TGFBR1: variants seen among roughly 807,000 people sequenced by gnomAD.
The protein encoded by TGFBR1 is TGF-beta receptor type-1.
A neutral mutation model predicts 55.1 loss-of-function variants in TGFBR1; 20 were observed. The ratio of observed to expected loss-of-function variants is 0.36; its 90% confidence interval spans 0.26 to 0.53. TGFBR1 has a LOEUF of 0.53. Among genes scored for constraint, TGFBR1 ranks in the 20% least tolerant of loss-of-function variants. TGFBR1 has a pLI of 0.91. For synonymous variants in TGFBR1, 220 were observed against 214.8 expected (o/e 1.02, Z -0.21); for missense variants, 385 against 617.6 (o/e 0.62, Z 3.99).
At chr9:99,107,922 C>G (rs1826459941) in intron 1 of TGFBR1, among the ~76,000 whole-genome samples, 1 of 152,114 alleles carries the variant, frequency 6.6e-6, no homozygotes, top group African/African-American at 2.4e-5. Context: ...TGGTTTAGTT[C>G]TTGAATTCTT....
At chr9:99,119,756 G>T (rs1478749324) in intron 1 of TGFBR1, among the ~76,000 whole-genome samples, 1 of 152,216 alleles carries the variant, frequency 6.6e-6, no homozygotes, top group Non-Finnish European at 1.5e-5. Context: ...TACTGCTACT[G>T]TAGTGAAGTT....
At chr9:99,145,395 G>A (rs1042036550) in intron 6 of TGFBR1, among the ~76,000 whole-genome samples, 17 of 152,118 alleles carry the variant, frequency 1.1e-4, no homozygotes, top group African/African-American at 3.6e-4. Context: ...AAAATCTTAG[G>A]AGTCCCTGCC....
intron 1 of TGFBR1, chr9:99,127,911 A>G (rs1164304095): frequency 2.2e-6 from 1 of 455,906 alleles, no homozygotes; most frequent in Non-Finnish European, 4.4e-6. Context: ...ATGGTGTTAG[A>G]TGGCAGATTG....
chr9:99,134,830 A>ATATATATATTTCTATATG, intron 3 of TGFBR1, among the ~76,000 whole-genome samples: 1 of 112,500 alleles, frequency 8.9e-6, no homozygotes, highest in African/African-American at 3.2e-5. Context: ...ATATATATAT[A>ATATATATATTTCTATATG]TATATATATA....
intron 2 of TGFBR1, 125 bp from the exon 3 acceptor site, chr9:99,132,384 G>T (rs1488086435): frequency 1.3e-6 from 2 of 1,505,398 alleles, no homozygotes; most frequent in African/African-American, 2.7e-5. Flanking sequence ...GCTGTAATGA[G>T]GCTCTTTGGC....
intron 3 of TGFBR1, 45 bp from the exon 4 acceptor site, chr9:99,137,814 G>A (rs2118705665): frequency 6.6e-7 from 1 of 1,512,170 alleles, no homozygotes; most frequent in Admixed American, 1.7e-5. Flanking sequence ...TTTGAAACAT[G>A]TAATATTGTT....
chr9:99,135,652 C>A (rs1209504901), intron 3 of TGFBR1, among the ~76,000 whole-genome samples: 4 of 152,062 alleles, frequency 2.6e-5, no homozygotes, highest in Non-Finnish European at 2.9e-5. Flanking sequence ...TTTGTTATGG[C>A]GTGTGCAGCT....
intron 1 of TGFBR1, among the ~76,000 whole-genome samples, chr9:99,126,239 A>G (rs746781733): frequency 1.9e-4 from 29 of 152,116 alleles, no homozygotes; most frequent in Admixed American, 1.3e-4. Context: ...GCCATGTGAG[A>G]AGTAAATTGG....
intron 1 of TGFBR1, among the ~76,000 whole-genome samples, chr9:99,125,089 A>T (rs1827002015): frequency 6.6e-6 from 1 of 152,200 alleles, no homozygotes; most frequent in Non-Finnish European, 1.5e-5. Context: ...GTAGAAAAAA[A>T]TAGCTTTAGG....
intron 1 of TGFBR1, among the ~76,000 whole-genome samples, chr9:99,117,213 G>T (rs994368512): frequency 1.4e-4 from 20 of 145,224 alleles, no homozygotes; most frequent in African/African-American, 4.8e-4. Flanking sequence ...TCAGCCTCCC[G>T]TGTAGCTGGG....
chr9:99,126,388 G>A (rs912952540), intron 1 of TGFBR1, among the ~76,000 whole-genome samples: 14 of 152,172 alleles, frequency 9.2e-5, no homozygotes, highest in Admixed American at 4.6e-4. Context: ...TTGTATTACA[G>A]TGTTCTCCTT....
In TGFBR1 at chr9:99,149,322, G is replaced by A. The variant is rs2118861319; in HGVS notation, c.*17G>A. The A allele has an allele frequency of 1.2e-6, 2 of 1,613,368 alleles. No individual in the cohort carries two copies. Among genetic ancestry groups the A allele is most frequent in the Non-Finnish European group, 1.7e-6 (2 of 1,179,544 alleles). ...AAAATGTAATTCTACAGCTTTGCCTGAACTCTCCTTTTTTCTTCAGATCTG... is the reference window on the plus strand; with the variant it reads ...AAAATGTAATTCTACAGCTTTGCCTAAACTCTCCTTTTTTCTTCAGATCTG... On this transcript the variant is annotated 3_prime_UTR_variant, in exon 9 of 9. Coordinates refer to ENST00000374994, the MANE Select transcript of TGFBR1 (RefSeq NM_004612.4).
intron 1 of TGFBR1, among the ~76,000 whole-genome samples, chr9:99,116,597 T>G (rs1252624942): frequency 6.6e-6 from 1 of 152,216 alleles, no homozygotes; most frequent in Non-Finnish European, 1.5e-5. Flanking sequence ...TGTTGTATCA[T>G]CAGTTATCCA....
At chr9:99,118,663 T>TTTTTA (rs1826817281) in intron 1 of TGFBR1, among the ~76,000 whole-genome samples, 1 of 148,834 alleles carries the variant, frequency 6.7e-6, no homozygotes, top group African/African-American at 2.5e-5. Flanking sequence ...TTTTTTTTTT[T>TTTTTA]GAGACAGGAT....
Position 99,150,150 on chromosome 9 carries a change from A to C in TGFBR1, c.*845A>C, listed in dbSNP as rs1827939334. The C allele has an allele frequency of 5.3e-6, 1 of 189,140 alleles. No homozygotes were observed. Among genetic ancestry groups the C allele is most frequent in the Non-Finnish European group, 1.1e-5 (1 of 89,906 alleles). The allele number at this position is 189,140 out of a possible 1,614,324, so 11.7% of individuals were successfully genotyped here. A position where few individuals can be genotyped will look rare whatever the true frequency, so the allele number is the denominator to read the frequency against. On this transcript the variant is annotated 3_prime_UTR_variant, in exon 9 of 9. Transcript: ENST00000374994. ...GCCTTTCTCCTACCAAAATGTGCTT[A>C]AGCCACTAAAGAAATGAAGTGGCAT... is the stretch of plus-strand genomic sequence containing the variant.
At chr9:99,104,564 T>C (rs1826342613), upstream of TGFBR1, among the ~76,000 whole-genome samples, 3 of 151,942 alleles carry the variant, frequency 2.0e-5, no homozygotes, top group Admixed American at 1.3e-4. Flanking sequence ...TTCGGGGGAA[T>C]GCTGAAGTTG....
chr9:99,134,556 G>T (rs1251023627), intron 3 of TGFBR1, among the ~76,000 whole-genome samples: 4 of 151,852 alleles, frequency 2.6e-5, no homozygotes, highest in African/African-American at 4.8e-5. Flanking sequence ...TGATAATCAA[G>T]GACCAGAGTC....
intron 3 of TGFBR1, among the ~76,000 whole-genome samples, chr9:99,134,932 C>T (rs34218986): frequency 6.7e-6 from 1 of 148,226 alleles, no homozygotes; most frequent in Non-Finnish European, 1.5e-5. Flanking sequence ...CCTGCAAAAA[C>T]TTGTCTGCAT....
intron 1 of TGFBR1, 116 bp from the exon 2 acceptor site, chr9:99,128,739 A>G: frequency 7.3e-7 from 1 of 1,377,608 alleles, no homozygotes; most frequent in Admixed American, 1.8e-5. Flanking sequence ...AGAGCAACAA[A>G]CAGTGCATAG....
Sources: allele counts gnomAD v4.1 joint callset (sites outside exome capture counted in the v4.1 genomes callset), GRCh38; gene constraint gnomAD v4.1.1; transcripts MANE v1.5; gene names NCBI Gene and HGNC (gene_info 2026-07-23, HGNC 2026-07-21).